The following KIRREL3 variants were observed in gnomAD, a reference collection of about 807,000 sequenced individuals.
KIRREL3 encodes the protein kin of IRRE-like protein 3.
Under a neutral mutation model 89.7 loss-of-function variants are expected in KIRREL3, and 36 were observed. The ratio of observed to expected loss-of-function variants is 0.40; its 90% CI spans 0.31 to 0.53. KIRREL3 has a LOEUF of 0.53. Among genes scored for constraint, KIRREL3 ranks in the 20% least tolerant of loss-of-function variants. KIRREL3 has a pLI of 0.49. For missense variants in KIRREL3, 864 were observed against 1,056.6 expected (o/e 0.82, Z 2.53); for synonymous variants, 445 against 441.4 (o/e 1.01, Z -0.10).
At position 126,578,179 on chromosome 11, in the gene KIRREL3, T is replaced by C. The variant is rs1379867511; in HGVS notation, c.56-15267A>G. Among the ~76,000 whole-genome samples the C allele has an allele frequency of 1.3e-5, 2 of 152,106 alleles. No homozygotes were observed. The highest frequency in any genetic ancestry group is 4.8e-5 in the African/African-American group (2 of 41,414). ...CCTCTTCCACCCAACTACTGAGAAGTTTAACAGACAATCTTTTCTTTTCCA... is the reference window on the plus strand; with the variant it reads ...CCTCTTCCACCCAACTACTGAGAAGCTTAACAGACAATCTTTTCTTTTCCA... On this transcript the variant is annotated intron_variant, in intron 1 of 16. Transcript: ENST00000525144. The surrounding 1 kb of genome is among the most constrained non-coding windows in gnomAD (Gnocchi z 4.9).
rs1591437465 is a variant in KIRREL3, at chr11:126,991,477, A to G, written c.55+8978T>C. Among the ~76,000 whole-genome samples the G allele has an allele frequency of 9.3e-6, 1 of 107,780 alleles. No individual in the cohort carries two copies. Among genetic ancestry groups the G allele is most frequent in the African/African-American group, 4.2e-5 (1 of 23,874 alleles). 70.7% of individuals were successfully genotyped at this position (107,780 alleles called of 152,430 possible). On this transcript the variant is annotated intron_variant, in intron 1 of 16. Transcript: ENST00000525144. The surrounding 1 kb of genome is among the most constrained non-coding windows in gnomAD (Gnocchi z 5.8). ...TGCCTTTGCTTCCTTCCTTTTTATT[A>G]TTATTATTATTATTATTTGTCAGAA...
chr11:126,540,482 T>C lies in KIRREL3; in HGVS notation c.134-13795A>G, dbSNP rs566413524. 3.3e-5 allele frequency among the ~76,000 whole-genome samples: 5 copies of C among 152,302 alleles called. No individual in the cohort carries two copies. In the South Asian group the frequency reaches 1.0e-3, roughly 32 times the overall value. ...CCAAGGTTGTCCTGGACAGTGTGGG[T>C]CTTTAACGAAGAGCAATCGGGCTGG... On this transcript the variant is annotated intron_variant, in intron 2 of 16. Transcript: ENST00000525144.
rs369074976 is a variant in KIRREL3 at position 126,570,833 on chromosome 11, G to A, written c.56-7921C>T. ...ATGCCCATGTGGTCATCTATCCTTC[G>A]GCTTCTCCAAATCTCTGCTCACTGG... is the stretch of plus-strand genomic sequence containing the variant. On this transcript the variant is annotated intron_variant, in intron 1 of 16. Coordinates refer to ENST00000525144, the MANE Select transcript of KIRREL3 (RefSeq NM_032531.4). The surrounding 1 kb of genome is among the most constrained non-coding windows in gnomAD (Gnocchi z 6.1). 6.6e-5 allele frequency among the ~76,000 whole-genome samples: 10 copies of A among 152,206 alleles called. No homozygotes were observed. The East Asian group carries it at 7.7e-4, about 12-fold the overall frequency.
At position 126,578,660 on chromosome 11, in the gene KIRREL3, G is replaced by A. The variant is rs917304514; in HGVS notation, c.56-15748C>T. On this transcript the variant is annotated intron_variant, in intron 1 of 16. Transcript: ENST00000525144. The surrounding 1 kb of genome is among the most constrained non-coding windows in gnomAD (Gnocchi z 4.9). Reference sequence around the variant, plus strand: ...GTCCTGGGGGAGGGACTCAGAATCCGCCTCACACCCATGGAGAGTTCTCGC... The same window carrying A: ...GTCCTGGGGGAGGGACTCAGAATCCACCTCACACCCATGGAGAGTTCTCGC... 3.9e-5 allele frequency among the ~76,000 whole-genome samples: 6 copies of A among 152,056 alleles called. No individual in the cohort carries two copies. Among genetic ancestry groups the A allele is most frequent in the South Asian group, 4.1e-4 (2 of 4,826 alleles).
intron 1 of KIRREL3, among the ~76,000 whole-genome samples, chr11:126,599,847 A>T (rs750183810): frequency 2.0e-5 from 3 of 152,126 alleles, no homozygotes; most frequent in Non-Finnish European, 2.9e-5. Flanking sequence ...ATTTTCTTAG[A>T]CTAGCATCAG....
At chr11:126,790,722 TA>T (rs1950612624) in intron 1 of KIRREL3, among the ~76,000 whole-genome samples, 1 of 151,996 alleles carries the variant, frequency 6.6e-6, no homozygotes, top group Non-Finnish European at 1.5e-5. Context: ...TTTCCAACCC[TA>T]ATCGCAGACG....
chr11:126,595,962 G>A (rs1392684613), intron 1 of KIRREL3, among the ~76,000 whole-genome samples: 1 of 152,204 alleles, frequency 6.6e-6, no homozygotes, highest in Non-Finnish European at 1.5e-5. Flanking sequence ...AATATAGGCT[G>A]GTGCTGTGTT....
chr11:126,590,669 G>C (rs1942089831), intron 1 of KIRREL3, among the ~76,000 whole-genome samples: 1 of 152,224 alleles, frequency 6.6e-6, no homozygotes, highest in Non-Finnish European at 1.5e-5. Context: ...TTCAGCCTCA[G>C]TGGGAGAGTG....
chr11:126,461,615 G>A (rs2134249116), intron 6 of KIRREL3, among the ~76,000 whole-genome samples: 1 of 152,292 alleles, frequency 6.6e-6, no homozygotes, highest in African/African-American at 2.4e-5. Context: ...TGGGTATCTT[G>A]AGCCTACCTG....
chr11:126,471,922 A>G lies in KIRREL3; in HGVS notation c.591+1387T>C, dbSNP rs151328596. Among the ~76,000 whole-genome samples, 82 of 152,316 alleles carry G rather than the reference A, an allele frequency of 5.4e-4. 1 individual carries two copies. In the East Asian group the frequency reaches 0.015, roughly 28 times the overall value. ...TGGTATCGTGTGTGAATTAGAGACC[A>G]GAACCCCTGTTGGTAGACACAGCAG... On this transcript the variant is annotated intron_variant, in intron 5 of 16. Transcript: ENST00000525144. The surrounding 1 kb of genome is among the most constrained non-coding windows in gnomAD (Gnocchi z 5.4).
intron 2 of KIRREL3, among the ~76,000 whole-genome samples, chr11:126,547,668 G>A (rs556021265): frequency 1.3e-5 from 2 of 152,312 alleles, no homozygotes; most frequent in African/African-American, 2.4e-5. Context: ...CATATCTGGG[G>A]CAGGATCAGA....
At chr11:126,433,199 G>T (rs922276219) in intron 13 of KIRREL3, among the ~76,000 whole-genome samples, 1 of 152,202 alleles carries the variant, frequency 6.6e-6, no homozygotes, top group Admixed American at 6.5e-5. Context: ...AGTCTTAAAG[G>T]CCAGGAAAGT....
At position 126,729,032 on chromosome 11, in the gene KIRREL3, G is replaced by T. The variant is rs967962614; in HGVS notation, c.56-166120C>A. On this transcript the variant is annotated intron_variant, in intron 1 of 16. Coordinates refer to ENST00000525144, the MANE Select transcript of KIRREL3 (RefSeq NM_032531.4). The surrounding 1 kb of genome is among the most constrained non-coding windows in gnomAD (Gnocchi z 4.5). ...GGAGGCTTTTGGGGCAGGCATGCCT[G>T]TTGCAGGCTTGGAGTGGGCCCTGGG... 6.6e-6 allele frequency among the ~76,000 whole-genome samples: 1 copy of T among 152,234 alleles called. No homozygotes were observed. The highest frequency in any genetic ancestry group is 1.5e-5 in the Non-Finnish European group (1 of 68,046).
chr11:126,888,617 C>T (rs1592286737), intron 1 of KIRREL3, among the ~76,000 whole-genome samples: 1 of 152,238 alleles, frequency 6.6e-6, no homozygotes, highest in Middle Eastern at 3.4e-3. Context: ...CCTCCCATTC[C>T]AAGATGTATC....
chr11:126,985,354 C>T lies in KIRREL3; in HGVS notation c.55+15101G>A, dbSNP rs1949833222. Among the ~76,000 whole-genome samples the T allele has an allele frequency of 6.6e-6, 1 of 152,074 alleles. No individual in the cohort carries two copies. Among genetic ancestry groups the T allele is most frequent in the Non-Finnish European group, 1.5e-5 (1 of 68,000 alleles). On this transcript the variant is annotated intron_variant, in intron 1 of 16. Transcript: ENST00000525144. The surrounding 1 kb of genome is among the most constrained non-coding windows in gnomAD (Gnocchi z 5.3). ...CACGGTAGATGGAGGTGAGAAGGAC[C>T]CAGCCCTGGCCGCCAGGAAGCTCAC...
intron 1 of KIRREL3, among the ~76,000 whole-genome samples, chr11:126,779,174 C>T (rs899806209): frequency 1.3e-5 from 2 of 152,200 alleles, no homozygotes; most frequent in East Asian, 3.9e-4. Context: ...TCTTCAGGTG[C>T]TCCTCATTGT....
At chr11:126,828,374 C>T (rs916753664) in intron 1 of KIRREL3, among the ~76,000 whole-genome samples, 3 of 152,088 alleles carry the variant, frequency 2.0e-5, no homozygotes, top group African/African-American at 7.2e-5. Context: ...CTGGCCTCAT[C>T]TGGGGTGACT....
intron 1 of KIRREL3, among the ~76,000 whole-genome samples, chr11:126,945,924 T>C (rs1289672554): frequency 6.6e-6 from 1 of 152,214 alleles, no homozygotes; most frequent in Non-Finnish European, 1.5e-5. Flanking sequence ...TGTTCATTCA[T>C]TGCCTCATTC....
chr11:126,744,371 G>A lies in KIRREL3; in HGVS notation c.56-181459C>T, dbSNP rs1316647591. Among the ~76,000 whole-genome samples the A allele has an allele frequency of 6.6e-6, 1 of 152,170 alleles. No individual in the cohort carries two copies. Among genetic ancestry groups the A allele is most frequent in the Non-Finnish European group, 1.5e-5 (1 of 68,026 alleles). On this transcript the variant is annotated intron_variant, in intron 1 of 16. Transcript: ENST00000525144. This position sits in a 1 kb window ranked among gnomAD's most constrained non-coding sequence, Gnocchi z 4.7. Reference sequence around the variant, plus strand: ...GTGTGCTGACCAGAGAGGATGAAAGGGAAGCTGGAGGCAGGGAGGTCAGGA... The same window carrying A: ...GTGTGCTGACCAGAGAGGATGAAAGAGAAGCTGGAGGCAGGGAGGTCAGGA...
Sources: gnomAD v4.1 joint callset for allele counts (sites outside exome capture counted in the v4.1 genomes callset) on GRCh38, gnomAD v4.1.1 for gene constraint, Gnocchi (gnomAD v3.1) non-coding constraint, MANE v1.5 for transcripts, NCBI Gene and HGNC (gene_info 2026-07-23, HGNC 2026-07-21) for gene names.